Variants in AGPAT5 observed in about 807,000 individuals in gnomAD.
AGPAT5 encodes the protein 1-acylglycerol-3-phosphate O-acyltransferase 5, also known as 1-acyl-sn-glycerol-3-phosphate acyltransferase epsilon.
AGPAT5 carries 46 observed loss-of-function variants against 45.6 expected under a neutral mutation model. The ratio of observed to expected loss-of-function variants is 1.01; its 90% CI spans 0.80 to 1.29. The LOEUF (loss-of-function observed/expected upper bound fraction) is 1.29. Among genes scored for constraint, AGPAT5 ranks in the 50% most tolerant of loss-of-function variants. The probability of loss-of-function intolerance (pLI) is 0.00; values close to 1 mark genes in which losing one functional copy is unlikely to be tolerated. For missense variants in AGPAT5, 673 were observed against 450.7 expected, an observed-to-expected ratio of 1.49 and a Z score of -4.47; for synonymous variants, 272 against 167.0, an observed-to-expected ratio of 1.63 and a Z score of -4.85.
chr8:6,717,338 C>T (rs968460565), intron 1 of AGPAT5, among the ~76,000 whole-genome samples: 1 of 152,162 alleles, frequency 6.6e-6, no homozygotes, highest in African/African-American at 2.4e-5. Flanking sequence ...TACTGCGCTC[C>T]TCCAGCTTGG....
At chr8:6,710,241 T>A (rs1281699977) in intron 1 of AGPAT5, among the ~76,000 whole-genome samples, 4 of 152,224 alleles carry the variant, frequency 2.6e-5, no homozygotes, top group Non-Finnish European at 4.4e-5. Context: ...CTTATTTTTT[T>A]AAATGGCTGT....
chr8:6,731,085 G>T (rs1482532291), intron 3 of AGPAT5, among the ~76,000 whole-genome samples: 1 of 151,944 alleles, frequency 6.6e-6, no homozygotes, highest in East Asian at 1.9e-4. Context: ...GCCCAGGCTG[G>T]TCTTGGACTC....
At chr8:6,727,252 T>G (rs1265787154) in intron 2 of AGPAT5, among the ~76,000 whole-genome samples, 1 of 152,216 alleles carries the variant, frequency 6.6e-6, no homozygotes, top group Non-Finnish European at 1.5e-5. Context: ...TCTTCCCTTG[T>G]TTTCGCTTGA....
At chr8:6,751,491 C>T (rs1328802800) in intron 6 of AGPAT5, among the ~76,000 whole-genome samples, 1 of 152,190 alleles carries the variant, frequency 6.6e-6, no homozygotes, top group East Asian at 1.9e-4. Flanking sequence ...GCAGTGCTAA[C>T]AAATGCTACA....
chr8:6,743,695 C>T (rs1227712493), intron 5 of AGPAT5, among the ~76,000 whole-genome samples: 1 of 151,156 alleles, frequency 6.6e-6, no homozygotes, highest in Non-Finnish European at 1.5e-5. Flanking sequence ...ATTTGGCTTT[C>T]TAATGGTTAT....
Position 6,757,255 on chromosome 8 carries a change from C to G in AGPAT5, c.962C>G (p.Thr321Ser), listed in dbSNP as rs1361307034. 2.5e-6 allele frequency: 4 copies of G among 1,614,144 alleles called. No homozygotes were observed. The highest frequency in any genetic ancestry group is 3.4e-6 in the Non-Finnish European group (4 of 1,179,996). The change falls in exon 8 of 8, where the codon ACT (threonine) becomes AGT (serine). Residue 321 changes from threonine to serine, a missense_variant. Coordinates refer to ENST00000285518, the MANE Select transcript of AGPAT5 (RefSeq NM_018361.5). ...SVNSKLSIKK[T>S]LPSMLILSGL... ...AATTCCAAATTAAGTATCAAGAAGA[C>G]TTTACCATCAATGTTGATCTTAAGT...
intron 6 of AGPAT5, among the ~76,000 whole-genome samples, chr8:6,748,599 C>T (rs1563304886): frequency 6.6e-6 from 1 of 152,106 alleles, no homozygotes; most frequent in Non-Finnish European, 1.5e-5. Flanking sequence ...CCGCCTCCCA[C>T]GTTCACACGA....
intron 1 of AGPAT5, 75 bp from the exon 2 acceptor site, chr8:6,724,795 C>CT: frequency 2.2e-6 from 1 of 450,618 alleles, no homozygotes; most frequent in Non-Finnish European, 3.8e-6. Flanking sequence ...TCGTCAGTTT[C>CT]TTCACATTGT....
intron 4 of AGPAT5, among the ~76,000 whole-genome samples, chr8:6,734,808 A>G (rs1232306859): frequency 6.6e-6 from 1 of 151,808 alleles, no homozygotes; most frequent in Admixed American, 6.6e-5. Context: ...GGTGCACTGC[A>G]TTTGGGTTTT....
At chr8:6,716,999 C>G (rs28685103) in intron 1 of AGPAT5, among the ~76,000 whole-genome samples, 3,275 of 152,212 alleles carry the variant, frequency 0.022, 116 homozygotes, top group African/African-American at 0.075. Context: ...GTACCCAAGT[C>G]TAGTGAGTCC....
chr8:6,737,311 T>G (rs1801088054), intron 4 of AGPAT5, among the ~76,000 whole-genome samples: 2 of 152,244 alleles, frequency 1.3e-5, no homozygotes, highest in Non-Finnish European at 2.9e-5. Flanking sequence ...GATTCTTTTG[T>G]TTCTGAAGGT....
At chr8:6,733,302 C>A (rs987570626) in intron 4 of AGPAT5, among the ~76,000 whole-genome samples, 4 of 152,176 alleles carry the variant, frequency 2.6e-5, no homozygotes, top group African/African-American at 9.7e-5. Flanking sequence ...TGTGCACAGG[C>A]TTTCCCTTTC....
rs764866668 is a variant in AGPAT5 at position 6,759,640 on chromosome 8, A to T, written c.*2252A>T. The T allele has an allele frequency of 3.5e-4, 54 of 152,320 alleles. No homozygotes were observed. The highest frequency in any genetic ancestry group is 5.7e-4 in the Non-Finnish European group (39 of 68,024). The allele number at this position is 152,320 out of a possible 1,614,324, so 9.4% of individuals were successfully genotyped here. A position where few individuals can be genotyped will look rare whatever the true frequency, so the allele number is the denominator to read the frequency against. The stretch of plus-strand genomic sequence containing the variant: ...GTGTGTTTGGATGAAAGTAAAAAAA[A>T]AAATAAAATCTTTCACTGTCTCTAA... On this transcript the variant is annotated 3_prime_UTR_variant, in exon 8 of 8. Transcript: ENST00000285518.
intron 4 of AGPAT5, among the ~76,000 whole-genome samples, chr8:6,737,919 C>T (rs978074039): frequency 2.6e-5 from 4 of 152,174 alleles, no homozygotes; most frequent in African/African-American, 9.7e-5. Flanking sequence ...CACTTCTTTA[C>T]CTCTCTCAGC....
At chr8:6,710,282 C>G (rs895479165) in intron 1 of AGPAT5, among the ~76,000 whole-genome samples, 4 of 152,120 alleles carry the variant, frequency 2.6e-5, no homozygotes, top group African/African-American at 9.7e-5. Context: ...AAATTGCATA[C>G]CTTACCTGAT....
At chr8:6,726,766 C>T (rs973858450) in intron 2 of AGPAT5, among the ~76,000 whole-genome samples, 9 of 152,166 alleles carry the variant, frequency 5.9e-5, no homozygotes, top group African/African-American at 1.2e-4. Context: ...CTTCCCTTCA[C>T]CCTACCTCCG....
intron 4 of AGPAT5, chr8:6,738,431 G>A (rs9644302): frequency 1.3e-5 from 2 of 151,910 alleles, no homozygotes; most frequent in African/African-American, 4.8e-5. Flanking sequence ...TCTTATATGG[G>A]TGCAATTCAT....
chr8:6,715,739 C>A (rs184548748), intron 1 of AGPAT5, among the ~76,000 whole-genome samples: 1 of 152,268 alleles, frequency 6.6e-6, no homozygotes, highest in East Asian at 1.9e-4. Flanking sequence ...TAGGATAACA[C>A]TGAAATTAGA....
intron 1 of AGPAT5, among the ~76,000 whole-genome samples, chr8:6,711,204 G>T (rs1397828373): frequency 6.6e-6 from 1 of 152,234 alleles, no homozygotes; most frequent in Non-Finnish European, 1.5e-5. Context: ...TTAAGCTGAA[G>T]AGAAGTAGTA....
Sources: allele counts gnomAD v4.1 joint callset (sites outside exome capture counted in the v4.1 genomes callset), GRCh38; gene constraint gnomAD v4.1.1; transcripts MANE v1.5; gene names NCBI Gene and HGNC (gene_info 2026-07-23, HGNC 2026-07-21).